Variants in NGLY1 observed in about 807,000 individuals in gnomAD.
The protein encoded by NGLY1 is peptide-N(4)-(N-acetyl-beta-glucosaminyl)asparagine amidase.
Under a neutral mutation model 84.6 loss-of-function variants are expected in NGLY1, and 68 were observed. The ratio of observed to expected loss-of-function variants is 0.80; its 90% CI spans 0.66 to 0.98. The LOEUF (loss-of-function observed/expected upper bound fraction) is 0.98. Among genes scored for constraint, NGLY1 ranks in the 50% least tolerant of loss-of-function variants. The pLI is 0.00. For synonymous variants in NGLY1, 280 were observed against 275.2 expected, an observed-to-expected ratio of 1.02 and a Z score of -0.17; for missense variants, 779 against 770.2, an observed-to-expected ratio of 1.01 and a Z score of -0.14.
chr3:25,720,997 T>TACTG lies in NGLY1; in HGVS notation c.1612-810_1612-807dup, dbSNP rs200462963. ...TGGAAAGAAACCCCTTCCTCACTAA[T>TACTG]ACTGCACTTACTACTACAGTTTGAA... On this transcript the variant is annotated intron_variant, in intron 10 of 11. Transcript: ENST00000280700. Among the ~76,000 whole-genome samples, 977 of 152,346 alleles carry TACTG rather than the reference T, an allele frequency of 6.4e-3. 17 individuals are homozygous for TACTG. Among genetic ancestry groups the TACTG allele is most frequent in the African/African-American group, 0.022 (920 of 41,572 alleles).
At chr3:25,721,175 T>TG (rs1217847564) in intron 10 of NGLY1, among the ~76,000 whole-genome samples, 3 of 152,118 alleles carry the variant, frequency 2.0e-5, no homozygotes, top group Admixed American at 6.5e-5. Flanking sequence ...ACTGAAGCCT[T>TG]GAACTCCTGG....
intron 2 of NGLY1, among the ~76,000 whole-genome samples, chr3:25,772,114 G>A (rs993176801): frequency 3.9e-5 from 6 of 152,242 alleles, no homozygotes; most frequent in Admixed American, 2.6e-4. Flanking sequence ...TCTGGTTCTT[G>A]GGGGAATGCT....
At chr3:25,744,041 G>C (rs1001253638) in intron 4 of NGLY1, among the ~76,000 whole-genome samples, 1 of 152,118 alleles carries the variant, frequency 6.6e-6, no homozygotes, top group African/African-American at 2.4e-5. Flanking sequence ...AATTTCTAAA[G>C]TTACCATCTT....
intron 4 of NGLY1, chr3:25,749,764 C>CA: frequency 6.9e-7 from 1 of 1,453,518 alleles, no homozygotes; most frequent in South Asian, 1.1e-5. Context: ...TGATGTGCAA[C>CA]AAAACTTACT....
Position 25,719,193 on chromosome 3 carries a change from C to A in NGLY1, c.*267G>T. 1 of 269,380 alleles carries A rather than the reference C, an allele frequency of 3.7e-6. No individual in the cohort carries two copies. 16.7% of individuals were successfully genotyped at this position (269,380 alleles called of 1,614,324 possible). On this transcript the variant is annotated 3_prime_UTR_variant, in exon 12 of 12. Coordinates refer to ENST00000280700, the MANE Select transcript of NGLY1 (RefSeq NM_018297.4). Reference sequence around the variant, plus strand: ...GAATATCATTATTTAACTTTTAAAACCATACTTACAGTTTTAGATTAAAAT... The same window carrying A: ...GAATATCATTATTTAACTTTTAAAAACATACTTACAGTTTTAGATTAAAAT...
At chr3:25,774,326 A>G (rs930878436) in intron 2 of NGLY1, among the ~76,000 whole-genome samples, 3 of 152,156 alleles carry the variant, frequency 2.0e-5, no homozygotes, top group Non-Finnish European at 2.9e-5. Context: ...GGTTGCCTGC[A>G]TAAGTATTTG....
At position 25,719,526 on chromosome 3, in the gene NGLY1, A is replaced by G. The variant is rs1356171076; in HGVS notation, c.1899T>C (p.Phe633=). 6.2e-7 allele frequency: 1 copy of G among 1,614,058 alleles called. No homozygotes were observed. Among genetic ancestry groups the G allele is most frequent in the Non-Finnish European group, 8.5e-7 (1 of 1,179,932 alleles). Residue 633 remains phenylalanine (F), a synonymous_variant, in exon 12 of 12, where the codon TTT becomes TTC. Transcript: ENST00000280700. The part of the protein sequence containing the change: ...GDVAWQHTQL[F]RQSLNDHEEN... ...CTTCATGGTCATTTAAGCTTTGTCT[A>G]AACAGCTGGGTGTGTTGCCAAGCGA...
At chr3:25,767,080 T>C (rs1707617556) in intron 2 of NGLY1, among the ~76,000 whole-genome samples, 1 of 151,836 alleles carries the variant, frequency 6.6e-6, no homozygotes, top group Non-Finnish European at 1.5e-5. Flanking sequence ...AATCACAAGG[T>C]CACGAGTTTG....
chr3:25,755,596 T>C (rs941470189), intron 3 of NGLY1: 70 of 1,471,382 alleles, frequency 4.8e-5, no homozygotes, highest in Middle Eastern at 3.5e-4. Context: ...CCCATCAACA[T>C]GGTTTCATCA....
chr3:25,760,527 T>C (rs1021293861), intron 3 of NGLY1, among the ~76,000 whole-genome samples: 1 of 152,086 alleles, frequency 6.6e-6, no homozygotes, highest in African/African-American at 2.4e-5. Context: ...AGAAAGTGGA[T>C]GTTTAAATCT....
intron 4 of NGLY1, among the ~76,000 whole-genome samples, chr3:25,742,335 T>C (rs144105069): frequency 0.016 from 2,464 of 152,220 alleles, 70 homozygotes; most frequent in African/African-American, 0.057. Context: ...AATAGGGAAT[T>C]GTATAAATAA....
intron 2 of NGLY1, among the ~76,000 whole-genome samples, chr3:25,765,549 G>A (rs1365361012): frequency 2.0e-5 from 3 of 151,666 alleles, no homozygotes; most frequent in Admixed American, 1.3e-4. Context: ...CAATATTACT[G>A]TATTTCCCTG....
chr3:25,719,233 A>G lies in NGLY1; in HGVS notation c.*227T>C. ...TAGATTAAAATCCCATATTGAGTCA[A>G]CAAGACTTTACTCCAAATTATAGTC... On this transcript the variant is annotated 3_prime_UTR_variant, in exon 12 of 12. Transcript: ENST00000280700. 2.7e-6 allele frequency: 1 copy of G among 369,362 alleles called. No homozygotes were observed. The highest frequency in any genetic ancestry group is 4.9e-6 in the Non-Finnish European group (1 of 205,802). 22.9% of individuals were successfully genotyped at this position (369,362 alleles called of 1,614,324 possible).
intron 10 of NGLY1, among the ~76,000 whole-genome samples, chr3:25,728,922 G>A (rs999937526): frequency 6.6e-6 from 1 of 151,984 alleles, no homozygotes; most frequent in African/African-American, 2.4e-5. Flanking sequence ...CCTCTTTGAT[G>A]AAAACAGATA....
chr3:25,745,296 C>G (rs1452167199), intron 4 of NGLY1, among the ~76,000 whole-genome samples: 1 of 152,268 alleles, frequency 6.6e-6, no homozygotes, highest in East Asian at 1.9e-4. Flanking sequence ...GTGGCTAGTG[C>G]TACACTGTTT....
chr3:25,742,178 T>C (rs1706180818), intron 4 of NGLY1, among the ~76,000 whole-genome samples: 1 of 152,180 alleles, frequency 6.6e-6, no homozygotes, highest in Admixed American at 6.5e-5. Context: ...GGATCCATTA[T>C]AATATAAAAG....
intron 10 of NGLY1, among the ~76,000 whole-genome samples, chr3:25,728,194 A>G (rs1705354596): frequency 6.6e-6 from 1 of 152,104 alleles, no homozygotes; most frequent in African/African-American, 2.4e-5. Flanking sequence ...TTGAACAAAA[A>G]CTTATGATTG....
At chr3:25,773,355 G>T (rs1372537766) in intron 2 of NGLY1, among the ~76,000 whole-genome samples, 1 of 152,102 alleles carries the variant, frequency 6.6e-6, no homozygotes. Context: ...GTTGGATTGG[G>T]TTAATACGAA....
chr3:25,753,427 A>G (rs1453295244), intron 3 of NGLY1, among the ~76,000 whole-genome samples: 1 of 151,892 alleles, frequency 6.6e-6, no homozygotes, highest in Non-Finnish European at 1.5e-5. Context: ...CAAAAAAAAT[A>G]TAGCTTACAT....
Sources: allele counts gnomAD v4.1 joint callset (sites outside exome capture counted in the v4.1 genomes callset), GRCh38; gene constraint gnomAD v4.1.1; transcripts MANE v1.5; gene names NCBI Gene and HGNC (gene_info 2026-07-23, HGNC 2026-07-21).